Variants in PDS5A observed in about 807,000 individuals in gnomAD.
PDS5A encodes PDS5 cohesin associated factor A, also known as sister chromatid cohesion protein PDS5 homolog A.
Under a neutral mutation model 167.1 loss-of-function variants are expected in PDS5A, and 42 were observed. The observed-to-expected ratio is 0.25, with a 90% confidence interval of 0.20 to 0.33. The LOEUF is 0.33. Ranked by LOEUF, PDS5A falls within the 10% of genes least tolerant of loss-of-function variation. The pLI is 1.00. For missense variants in PDS5A, 1,033 were observed against 1,605.9 expected (o/e 0.64, Z 6.10); for synonymous variants, 553 against 554.6 (o/e 1.00, Z 0.04).
intron 2 of PDS5A, among the ~76,000 whole-genome samples, chr4:39,949,234 C>T (rs895512687): frequency 1.4e-5 from 2 of 138,772 alleles, no homozygotes; most frequent in South Asian, 2.3e-4. Flanking sequence ...TGCGGGAGGT[C>T]GAGGCTTCAG....
intron 19 of PDS5A, 100 bp from the exon 20 acceptor site, chr4:39,874,512 A>T (rs1720306632): frequency 1.1e-6 from 1 of 903,884 alleles, no homozygotes; most frequent in Non-Finnish European, 1.7e-6. Flanking sequence ...GGATGCTAGT[A>T]GAGAAGGCTC....
chr4:39,849,090 TG>T, intron 27 of PDS5A, 120 bp from the exon 28 acceptor site: 2 of 721,984 alleles, frequency 2.8e-6, no homozygotes, highest in Non-Finnish European at 4.5e-6. Context: ...ATTTATTCCT[TG>T]AACATTCCAT....
chr4:39,877,249 G>A, intron 18 of PDS5A, 96 bp from the exon 19 acceptor site: 1 of 742,334 alleles, frequency 1.3e-6, no homozygotes, highest in Non-Finnish European at 2.1e-6. Context: ...ATTAAATTCT[G>A]GGGTAAATAT....
chr4:39,889,741 T>C (rs1324860890), intron 17 of PDS5A, among the ~76,000 whole-genome samples: 1 of 152,222 alleles, frequency 6.6e-6, no homozygotes, highest in Non-Finnish European at 1.5e-5. Flanking sequence ...TTTATGCCCA[T>C]ATTAAAGTTG....
In PDS5A at chr4:39,850,044, G is replaced by A. The variant is rs560127246; in HGVS notation, c.3087-392C>T. Among the ~76,000 whole-genome samples the A allele has an allele frequency of 6.6e-5, 10 of 152,074 alleles. No individual in the cohort carries two copies. The South Asian group carries it at 2.1e-3, about 32-fold the overall frequency. On this transcript the variant is annotated intron_variant, in intron 26 of 32. Transcript: ENST00000303538. Reference sequence around the variant, plus strand: ...TCCTAGCACTTTGGGAGGCCGAGGTGGGCAGATCAAGAGGTCAGGAGATCG... The same window carrying A: ...TCCTAGCACTTTGGGAGGCCGAGGTAGGCAGATCAAGAGGTCAGGAGATCG...
chr4:39,896,903 CTTTT>C (rs35055129), intron 16 of PDS5A, among the ~76,000 whole-genome samples: 1 of 145,128 alleles, frequency 6.9e-6, no homozygotes, highest in African/African-American at 2.5e-5. Flanking sequence ...CCGTTATAAT[CTTTT>C]TTTTTTTTTA....
intron 30 of PDS5A, among the ~76,000 whole-genome samples, chr4:39,844,331 G>A (rs1054051883): frequency 1.3e-5 from 2 of 151,560 alleles, no homozygotes; most frequent in African/African-American, 4.8e-5. Context: ...AAAAATTAGC[G>A]GGGCGTGGTG....
chr4:39,946,693 T>C (rs183123877), intron 2 of PDS5A, among the ~76,000 whole-genome samples: 3 of 152,122 alleles, frequency 2.0e-5, no homozygotes, highest in African/African-American at 7.2e-5. Context: ...GACAAGCGGA[T>C]CACTTGAGGT....
At chr4:39,906,380 A>C (rs1163145732) in intron 11 of PDS5A, among the ~76,000 whole-genome samples, 2 of 152,130 alleles carry the variant, frequency 1.3e-5, no homozygotes, top group Admixed American at 1.3e-4. Flanking sequence ...ACAAAAAAAA[A>C]AAACCTTAGT....
At chr4:39,968,092 T>C (rs1336815930) in intron 2 of PDS5A, among the ~76,000 whole-genome samples, 1 of 152,190 alleles carries the variant, frequency 6.6e-6, no homozygotes, top group Non-Finnish European at 1.5e-5. Context: ...TTTATGGAAT[T>C]TGCACAGCTA....
chr4:39,908,451 C>A lies in PDS5A; in HGVS notation c.1177G>T (p.Ala393Ser). The A allele has an allele frequency of 6.2e-7, 1 of 1,611,340 alleles. No homozygotes were observed. ...TIITAAKRDL[A>S]LVNDQLLGFV... Reference sequence around the variant, plus strand: ...CCAAGCAGCTGATCATTTACTAAGGCCAGGTCCCTCTTGGCAGCTGTTATT... The same window carrying A: ...CCAAGCAGCTGATCATTTACTAAGGACAGGTCCCTCTTGGCAGCTGTTATT... Residue 393 changes from alanine (A) to serine (S), a missense_variant, in exon 11 of 33, where the codon GCC (alanine) becomes TCC (serine). Around this residue, in one of 4 missense-constraint regions of PDS5A, gnomAD observed 388 missense variants for 615.1 expected, o/e 0.63. Coordinates refer to ENST00000303538, the MANE Select transcript of PDS5A (RefSeq NM_001100399.2).
rs547323686 is a variant in PDS5A, at chr4:39,886,668, G to T, written c.1886+3581C>A. ...GTGGAGGCTGTGGTGAGCCAAGATC[G>T]CGCCATTGCACTCCAGCCTGGGCAA... On this transcript the variant is annotated intron_variant, in intron 17 of 32. Transcript: ENST00000303538. Among the ~76,000 whole-genome samples the T allele has an allele frequency of 1.7e-3, 263 of 151,514 alleles. 1 individual carries two copies. Among genetic ancestry groups the T allele is most frequent in the African/African-American group, 6.1e-3 (252 of 41,256 alleles).
rs140018688 is a variant in PDS5A at position 39,838,289 on chromosome 4, T to C, written c.3658-81A>G. On this transcript the variant is annotated intron_variant, in intron 31 of 32. Coordinates refer to ENST00000303538, the MANE Select transcript of PDS5A (RefSeq NM_001100399.2). Reference sequence around the variant, plus strand: ...CTATTAGAAAAGAGTGTTTTGAAAGTATTTTAAAGGAGTCTGGATTTGAGG... The same window carrying C: ...CTATTAGAAAAGAGTGTTTTGAAAGCATTTTAAAGGAGTCTGGATTTGAGG... 1.1e-3 allele frequency: 1,136 copies of C among 1,068,538 alleles called. 8 individuals are homozygous for C. In the African/African-American group the frequency reaches 0.016, roughly 15 times the overall value. 66.2% of individuals were successfully genotyped at this position (1,068,538 alleles called of 1,614,324 possible).
chr4:39,836,989 C>CTTTTTTTTTTTTT (rs71194932), intron 32 of PDS5A: 1 of 98,358 alleles, frequency 1.0e-5, no homozygotes, highest in African/African-American at 3.7e-5. Context: ...TTTGCATTTC[C>CTTTTTTTTTTTTT]TTTTTTTTTT....
Position 39,913,672 on chromosome 4 carries a change from C to T in PDS5A, c.931G>A (p.Gly311Ser). 1 of 1,612,664 alleles carries T rather than the reference C, an allele frequency of 6.2e-7. No individual in the cohort carries two copies. The highest frequency in any genetic ancestry group is 8.5e-7 in the Non-Finnish European group (1 of 1,178,794). The change falls in exon 9 of 33, where the codon GGC (glycine) becomes AGC (serine). Residue 311 changes from glycine (G) to serine (S), a missense_variant. Gly to Ser is a moderately conservative substitution (Grantham distance 56). Coordinates refer to ENST00000303538, the MANE Select transcript of PDS5A (RefSeq NM_001100399.2). The part of the protein sequence containing the change: ...AVVRLLAKLF[G>S]SKDSDLATQN... Reference sequence around the variant, plus strand: ...GTTGCCAAATCAGAATCTTTGGAGCCAAACAATTTAGCTAGAAGTCGAACA... The same window carrying T: ...GTTGCCAAATCAGAATCTTTGGAGCTAAACAATTTAGCTAGAAGTCGAACA...
chr4:39,839,678 A>G (rs1035873034), intron 31 of PDS5A, among the ~76,000 whole-genome samples: 10 of 149,192 alleles, frequency 6.7e-5, no homozygotes, highest in Non-Finnish European at 1.5e-4. Flanking sequence ...ACCCAAGGGT[A>G]ATATCTAAAA....
intron 2 of PDS5A, among the ~76,000 whole-genome samples, chr4:39,948,312 C>CT (rs552182165): frequency 0.045 from 3,611 of 80,936 alleles, 291 homozygotes; most frequent in African/African-American, 0.14. Flanking sequence ...TGAATCAAAC[C>CT]TTTTTTTTTT....
chr4:39,973,271 CTT>C, intron 2 of PDS5A: 1 of 1,516,466 alleles, frequency 6.6e-7, no homozygotes, highest in Admixed American at 1.7e-5. Flanking sequence ...TGCTTTTGCT[CTT>C]GAGGGGCAGA....
At chr4:39,862,105 T>G (rs964940758) in intron 26 of PDS5A, 114 bp downstream of exon 26, 5 of 440,052 alleles carry the variant, frequency 1.1e-5, no homozygotes, top group Non-Finnish European at 1.2e-5. Context: ...AATAAAACCA[T>G]AAGGAGATTC....
Sources: gnomAD v4.1 joint callset for allele counts (sites outside exome capture counted in the v4.1 genomes callset) on GRCh38, gnomAD v4.1.1 for gene constraint, gnomAD v4.1.1 regional missense constraint, MANE v1.5 for transcripts, NCBI Gene and HGNC (gene_info 2026-07-23, HGNC 2026-07-21) for gene names.